Variants in CCSER1 observed in about 807,000 individuals in gnomAD.
CCSER1 encodes coiled-coil serine rich protein 1.
CCSER1 carries 41 observed loss-of-function variants against 82.0 expected under a neutral mutation model. The observed-to-expected ratio is 0.50, with a 90% confidence interval of 0.39 to 0.65. The LOEUF is 0.65. Among genes scored for constraint, CCSER1 ranks in the 30% least tolerant of loss-of-function variants. The probability of loss-of-function intolerance (pLI) is 0.00; values close to 1 mark genes in which losing one functional copy is unlikely to be tolerated. For synonymous variants in CCSER1, 414 were observed against 383.9 expected (o/e 1.08, Z -0.92); for missense variants, 1,119 against 1,064.2 (o/e 1.05, Z -0.72).
intron 9 of CCSER1, among the ~76,000 whole-genome samples, chr4:91,064,146 A>T (rs1194004708): frequency 6.6e-6 from 1 of 152,180 alleles, no homozygotes; most frequent in Non-Finnish European, 1.5e-5. Flanking sequence ...GGAAACATTA[A>T]TTTTTTCTGT....
intron 4 of CCSER1, among the ~76,000 whole-genome samples, chr4:90,412,270 A>G (rs977842995): frequency 2.9e-5 from 4 of 136,250 alleles, no homozygotes; most frequent in Non-Finnish European, 6.1e-5. Context: ...AACAATGAGA[A>G]CACATGGACA....
At chr4:90,994,319 C>T (rs1737302827) in intron 9 of CCSER1, among the ~76,000 whole-genome samples, 1 of 152,020 alleles carries the variant, frequency 6.6e-6, no homozygotes, top group Non-Finnish European at 1.5e-5. Context: ...TTATATTAGC[C>T]TACAGTTGGA....
At chr4:90,520,453 C>T (rs928699406) in intron 5 of CCSER1, among the ~76,000 whole-genome samples, 5 of 152,012 alleles carry the variant, frequency 3.3e-5, no homozygotes, top group African/African-American at 7.2e-5. Context: ...TTGACTGATT[C>T]TTTGTTGCTT....
chr4:91,309,563 G>A (rs1359201930), intron 10 of CCSER1, among the ~76,000 whole-genome samples: 5 of 151,952 alleles, frequency 3.3e-5, no homozygotes, highest in African/African-American at 9.7e-5. Flanking sequence ...TATTTCATTT[G>A]TGATATTGAC....
chr4:91,191,998 C>T (rs757368453), intron 10 of CCSER1, among the ~76,000 whole-genome samples: 13 of 152,138 alleles, frequency 8.5e-5, no homozygotes, highest in Admixed American at 2.0e-4. Flanking sequence ...AACTTGGTGC[C>T]ATCTAGGTTT....
chr4:90,579,449 T>G (rs1781166251), intron 5 of CCSER1, among the ~76,000 whole-genome samples: 1 of 152,222 alleles, frequency 6.6e-6, no homozygotes, highest in Admixed American at 6.5e-5. Flanking sequence ...CACTGCTTTA[T>G]TTCAGAGTTG....
chr4:90,645,173 C>A (rs1461094855), intron 6 of CCSER1, among the ~76,000 whole-genome samples: 1 of 151,920 alleles, frequency 6.6e-6, no homozygotes, highest in East Asian at 1.9e-4. Flanking sequence ...CTTTCTAAGT[C>A]TCTGATCAAG....
At chr4:91,532,410 C>G (rs558629831) in intron 10 of CCSER1, among the ~76,000 whole-genome samples, 1 of 152,148 alleles carries the variant, frequency 6.6e-6, no homozygotes, top group East Asian at 1.9e-4. Flanking sequence ...TATATAGAGA[C>G]CAAACTTAAT....
chr4:90,343,524 G>A (rs1741795135), intron 3 of CCSER1, among the ~76,000 whole-genome samples: 1 of 152,162 alleles, frequency 6.6e-6, no homozygotes, highest in Admixed American at 6.5e-5. Flanking sequence ...GGCTGAGGCA[G>A]GAGAATCACT....
At chr4:91,150,203 T>G (rs1457906270) in intron 10 of CCSER1, among the ~76,000 whole-genome samples, 1 of 152,212 alleles carries the variant, frequency 6.6e-6, no homozygotes, top group East Asian at 1.9e-4. Flanking sequence ...ACATCCCTTG[T>G]AAGTTGGATT....
At chr4:91,187,251 T>G (rs1734630323) in intron 10 of CCSER1, among the ~76,000 whole-genome samples, 1 of 152,238 alleles carries the variant, frequency 6.6e-6, no homozygotes, top group Non-Finnish European at 1.5e-5. Flanking sequence ...CTGGAAGCTG[T>G]AGACTGGAGC....
At chr4:91,122,941 CAA>C (rs1727213613) in intron 10 of CCSER1, among the ~76,000 whole-genome samples, 1 of 151,654 alleles carries the variant, frequency 6.6e-6, no homozygotes. Context: ...TGCATTACTT[CAA>C]ATGATTTTAT....
At chr4:90,512,079 A>G (rs1396177196) in intron 5 of CCSER1, among the ~76,000 whole-genome samples, 2 of 152,120 alleles carry the variant, frequency 1.3e-5, no homozygotes, top group East Asian at 3.9e-4. Flanking sequence ...TGGGCAACAT[A>G]CATATTTTTC....
rs911472070 is a variant in CCSER1 at position 90,602,775 on chromosome 4, C to A, written c.1725-25250C>A. On this transcript the variant is annotated intron_variant, in intron 5 of 10. Transcript: ENST00000509176. ...TAGAAGAGTGCAGGTGAATACTATG[C>A]ACATAGGATTATTTATCACTGAGAA... 5.3e-5 allele frequency among the ~76,000 whole-genome samples: 8 copies of A among 152,158 alleles called. No individual in the cohort carries two copies. The East Asian group carries it at 1.5e-3, about 29-fold the overall frequency.
rs538533147 is a variant in CCSER1, at chr4:91,139,274, T to TA, written c.2217+53281dup. 6.6e-4 allele frequency among the ~76,000 whole-genome samples: 101 copies of TA among 152,238 alleles called. 1 individual carries two copies. In the East Asian group the frequency reaches 0.019, roughly 28 times the overall value. ...GTGTATATGTACCACATTTTTTTTT[T>TA]ATCCAGTCTCCAGTCCACCATTGAT... On this transcript the variant is annotated intron_variant, in intron 10 of 10. Transcript: ENST00000509176.
chr4:91,087,810 TG>T (rs1723534238), intron 10 of CCSER1, among the ~76,000 whole-genome samples: 1 of 152,154 alleles, frequency 6.6e-6, no homozygotes, highest in Non-Finnish European at 1.5e-5. Flanking sequence ...AGGGCAGCAC[TG>T]GGTTACTTAA....
rs1160646914 is a variant in CCSER1, at chr4:90,897,714, G to A, written c.2095-25656G>A. Among the ~76,000 whole-genome samples the A allele has an allele frequency of 2.0e-5, 3 of 152,014 alleles. No homozygotes were observed. The East Asian group carries it at 5.8e-4, about 29-fold the overall frequency. The stretch of plus-strand genomic sequence containing the variant: ...GAGAAATCTTCTACCATTTTCCGTA[G>A]GAGTTGAACTAATTTACATTGTCCA... On this transcript the variant is annotated intron_variant, in intron 8 of 10. Transcript: ENST00000509176.
chr4:91,565,025 GTTGTGTGTGTGTGT>G (rs1762817570), intron 10 of CCSER1, among the ~76,000 whole-genome samples: 1 of 120,322 alleles, frequency 8.3e-6, no homozygotes, highest in African/African-American at 3.2e-5. Context: ...TGCACCTTGA[GTTGTGTGTGTGTGT>G]GTGTGTGTGT....
intron 6 of CCSER1, among the ~76,000 whole-genome samples, chr4:90,662,155 T>C (rs973019933): frequency 6.6e-6 from 1 of 151,982 alleles, no homozygotes; most frequent in Non-Finnish European, 1.5e-5. Flanking sequence ...CTCGCCACCA[T>C]GCCCAGCTAA....
Sources: gnomAD v4.1 joint callset for allele counts (sites outside exome capture counted in the v4.1 genomes callset) on GRCh38, gnomAD v4.1.1 for gene constraint, MANE v1.5 for transcripts, NCBI Gene and HGNC (gene_info 2026-07-23, HGNC 2026-07-21) for gene names.